KDM4C: variants seen among roughly 807,000 people sequenced by gnomAD.
KDM4C encodes lysine-specific demethylase 4C.
Under a neutral mutation model 129.3 loss-of-function variants are expected in KDM4C, and 81 were observed. The ratio of observed to expected loss-of-function variants is 0.63; its 90% confidence interval spans 0.52 to 0.75. The LOEUF is 0.75. KDM4C is among the 30% of genes least tolerant of loss of function. The pLI is 0.00. For missense variants in KDM4C, 1,457 were observed against 1,304.0 expected, an observed-to-expected ratio of 1.12 and a Z score of -1.81; for synonymous variants, 573 against 456.1, an observed-to-expected ratio of 1.26 and a Z score of -3.26.
chr9:7,128,692 C>T (rs984727186), intron 19 of KDM4C, among the ~76,000 whole-genome samples: 1 of 152,152 alleles, frequency 6.6e-6, no homozygotes, highest in Non-Finnish European at 1.5e-5. Flanking sequence ...GGATATTCCA[C>T]ATGGGAGTAA....
chr9:6,781,121 C>T (rs891379511), intron 1 of KDM4C, among the ~76,000 whole-genome samples: 5 of 152,128 alleles, frequency 3.3e-5, no homozygotes, highest in Non-Finnish European at 7.3e-5. Context: ...CAATTGTAGT[C>T]TGTAGGAGTG....
intron 12 of KDM4C, among the ~76,000 whole-genome samples, chr9:7,008,381 G>C (rs922879848): frequency 6.6e-6 from 1 of 152,088 alleles, no homozygotes; most frequent in Non-Finnish European, 1.5e-5. Context: ...CAGCACCCAC[G>C]GAGCCAGCCT....
At chr9:6,770,235 C>T (rs960655764) in intron 1 of KDM4C, among the ~76,000 whole-genome samples, 45 of 151,812 alleles carry the variant, frequency 3.0e-4, no homozygotes, top group Admixed American at 1.8e-3. Context: ...AAAAGAACCC[C>T]GTGTGTTGTA....
At chr9:6,936,391 T>A (rs150549410) in intron 8 of KDM4C, among the ~76,000 whole-genome samples, 4 of 150,686 alleles carry the variant, frequency 2.7e-5, no homozygotes, top group African/African-American at 1.0e-4. Context: ...TACATATATT[T>A]GATTTGCTAA....
intron 11 of KDM4C, among the ~76,000 whole-genome samples, chr9:6,987,094 A>G (rs1181477605): frequency 1.3e-5 from 2 of 152,162 alleles, no homozygotes; most frequent in African/African-American, 4.8e-5. Context: ...TTGTTCTGTC[A>G]CCTGCAGAAG....
At chr9:6,842,420 C>A (rs772213704) in intron 4 of KDM4C, among the ~76,000 whole-genome samples, 12 of 151,208 alleles carry the variant, frequency 7.9e-5, no homozygotes, top group African/African-American at 1.7e-4. Flanking sequence ...CTGCAACCTC[C>A]GCCTCCTGGG....
intron 19 of KDM4C, among the ~76,000 whole-genome samples, chr9:7,161,297 A>T (rs1189632415): frequency 6.6e-6 from 1 of 152,126 alleles, no homozygotes; most frequent in Non-Finnish European, 1.5e-5. Context: ...AGCTGAGGTG[A>T]TGCCCCACCC....
intron 17 of KDM4C, among the ~76,000 whole-genome samples, chr9:7,087,604 A>G (rs1469028535): frequency 6.6e-6 from 1 of 152,132 alleles, no homozygotes; most frequent in Non-Finnish European, 1.5e-5. Flanking sequence ...AGTGATAACT[A>G]AAAGAGTTTC....
chr9:6,820,245 C>G (rs991195610), intron 4 of KDM4C, among the ~76,000 whole-genome samples: 3 of 152,132 alleles, frequency 2.0e-5, no homozygotes, highest in East Asian at 3.9e-4. Context: ...GACATCTGAA[C>G]TTGGCTTTGA....
At chr9:6,746,263 T>TATG (rs1491312956) in intron 1 of KDM4C, among the ~76,000 whole-genome samples, 6 of 51,364 alleles carry the variant, frequency 1.2e-4, no homozygotes, top group African/African-American at 3.7e-4. Flanking sequence ...TATATATATG[T>TATG]TTTTTTTTTT....
chr9:7,067,799 T>C (rs1229735520), intron 17 of KDM4C, among the ~76,000 whole-genome samples: 1 of 152,176 alleles, frequency 6.6e-6, no homozygotes, highest in Non-Finnish European at 1.5e-5. Context: ...GTAATGATTT[T>C]TGACTTTTTT....
rs1170286307 is a variant in KDM4C, at chr9:7,103,769, C to T, written c.2509C>T (p.His837Tyr). The change falls in exon 18 of 22, where the codon CAT becomes TAT. Residue 837 changes from histidine to tyrosine, a missense_variant. Transcript: ENST00000381309. ...CTACGGTCGCTGCCCGGCCTCCTTC[C>T]ATGTCACTTGTGCCCATGCTGCTGG... Reference protein sequence around the residue: ...CSYGRCPASFHVTCAHAAGVL... With the variant: ...CSYGRCPASFYVTCAHAAGVL... The T allele has an allele frequency of 6.2e-7, 1 of 1,613,886 alleles. No individual in the cohort carries two copies.
chr9:7,024,414 T>G (rs1284487574), intron 15 of KDM4C, among the ~76,000 whole-genome samples: 5 of 151,708 alleles, frequency 3.3e-5, no homozygotes, highest in Non-Finnish European at 7.4e-5. Context: ...ACATGTGCCA[T>G]GTTGGTGTGC....
rs561909342 is a variant in KDM4C, at chr9:6,993,737, G to C, written c.1786+3213G>C. ...TGATGAACCCACTGAAGGGCGGCCA[G>C]CTTAGAAATCTGCGGCAGTATTTCT... On this transcript the variant is annotated intron_variant, in intron 12 of 21. Coordinates refer to ENST00000381309, the MANE Select transcript of KDM4C (RefSeq NM_015061.6). Among the ~76,000 whole-genome samples the C allele has an allele frequency of 1.0e-3, 153 of 152,318 alleles. 2 individuals carry two copies. The highest frequency in any genetic ancestry group is 3.5e-3 in the African/African-American group (147 of 41,574).
intron 3 of KDM4C, among the ~76,000 whole-genome samples, chr9:6,808,713 A>G (rs886460572): frequency 2.0e-5 from 3 of 150,404 alleles, no homozygotes; most frequent in Non-Finnish European, 4.4e-5. Flanking sequence ...AAAAAAAAGA[A>G]GTGGCACACT....
intron 8 of KDM4C, among the ~76,000 whole-genome samples, chr9:6,940,901 G>A (rs550021119): frequency 5.8e-5 from 5 of 85,658 alleles, no homozygotes; most frequent in East Asian, 2.9e-4. Flanking sequence ...AGAAAAAAAC[G>A]TATCATTCTT....
intron 8 of KDM4C, among the ~76,000 whole-genome samples, chr9:6,950,768 T>G (rs1827999086): frequency 6.6e-6 from 1 of 152,206 alleles, no homozygotes; most frequent in Admixed American, 6.5e-5. Context: ...GTTAACTAAC[T>G]AATAAATACC....
intron 1 of KDM4C, among the ~76,000 whole-genome samples, chr9:6,767,706 G>A (rs773223186): frequency 3.3e-5 from 5 of 152,024 alleles, no homozygotes; most frequent in Non-Finnish European, 7.4e-5. Context: ...GGTGATGTCC[G>A]CTTCAGCCTT....
At chr9:6,776,346 C>G (rs1823030674) in intron 1 of KDM4C, among the ~76,000 whole-genome samples, 1 of 152,160 alleles carries the variant, frequency 6.6e-6, no homozygotes, top group Non-Finnish European at 1.5e-5. Context: ...TTACTGCAAC[C>G]TCTGCCTCCC....
Sources: gnomAD v4.1 joint callset for allele counts (sites outside exome capture counted in the v4.1 genomes callset) on GRCh38, gnomAD v4.1.1 for gene constraint, MANE v1.5 for transcripts, NCBI Gene and HGNC (gene_info 2026-07-23, HGNC 2026-07-21) for gene names.